Variants in EXD2 observed in about 807,000 individuals in gnomAD.
EXD2 encodes the protein exonuclease 3'-5' domain containing 2, also known as exonuclease 3'-5' domain-containing protein 2.
In EXD2, 40 loss-of-function variants were observed where a neutral mutation model predicts 62.5. The observed-to-expected ratio is 0.64, with a 90% confidence interval of 0.50 to 0.83. The LOEUF is 0.83. Ranked by LOEUF, EXD2 falls within the 40% of genes least tolerant of loss-of-function variation. The pLI, the probability that EXD2 is intolerant of heterozygous loss-of-function variation, is 0.00. For synonymous variants in EXD2, 239 were observed against 291.9 expected (o/e 0.82, Z 1.85); for missense variants, 671 against 761.8 (o/e 0.88, Z 1.40).
chr14:69,233,411 T>A (rs879633002), intron 5 of EXD2, among the ~76,000 whole-genome samples: 25 of 151,884 alleles, frequency 1.6e-4, no homozygotes, highest in Admixed American at 3.9e-4. Flanking sequence ...GTTTTTTTTT[T>A]AAATTTAATT....
At chr14:69,233,726 C>T (rs1362269348) in intron 5 of EXD2, among the ~76,000 whole-genome samples, 1 of 151,560 alleles carries the variant, frequency 6.6e-6, no homozygotes, top group African/African-American at 2.4e-5. Flanking sequence ...CAAGCGTGAG[C>T]CACCACACCC....
At chr14:69,203,689 C>A (rs2042487394) in intron 1 of EXD2, among the ~76,000 whole-genome samples, 1 of 152,186 alleles carries the variant, frequency 6.6e-6, no homozygotes, top group South Asian at 2.1e-4. Context: ...AGGTCATGAT[C>A]TGTTGGGATT....
At chr14:69,234,425 T>C (rs1403422609) in intron 5 of EXD2, among the ~76,000 whole-genome samples, 1 of 152,182 alleles carries the variant, frequency 6.6e-6, no homozygotes, top group Non-Finnish European at 1.5e-5. Flanking sequence ...CTGATTTATA[T>C]AGGTGAGGAT....
At chr14:69,207,455 C>T (rs943216592) in intron 2 of EXD2, among the ~76,000 whole-genome samples, 1 of 152,138 alleles carries the variant, frequency 6.6e-6, no homozygotes, top group African/African-American at 2.4e-5. Flanking sequence ...GATCATGCCA[C>T]TGCACACAGG....
chr14:69,213,358 C>T (rs1410684216), intron 3 of EXD2, among the ~76,000 whole-genome samples: 1 of 142,720 alleles, frequency 7.0e-6, no homozygotes, highest in Non-Finnish European at 1.5e-5. Flanking sequence ...TGTGTGTGAG[C>T]TACCATGCTG....
chr14:69,197,700 C>A (rs2042253395), intron 1 of EXD2, among the ~76,000 whole-genome samples: 1 of 152,160 alleles, frequency 6.6e-6, no homozygotes, highest in Admixed American at 6.5e-5. Flanking sequence ...TCTGTTCCTG[C>A]ATTAATTCAC....
At chr14:69,236,563 C>A (rs753991134) in intron 8 of EXD2, 21 bp downstream of exon 8, 1 of 1,613,814 alleles carries the variant, frequency 6.2e-7, no homozygotes, top group South Asian at 1.1e-5. Flanking sequence ...CATTGGGCCA[C>A]CCTGGTTGTC....
At chr14:69,237,151 G>A (rs1054630247) in intron 8 of EXD2, among the ~76,000 whole-genome samples, 2 of 152,180 alleles carry the variant, frequency 1.3e-5, no homozygotes, top group Non-Finnish European at 2.9e-5. Context: ...GGTGAACCAG[G>A]GAAATAGATT....
At chr14:69,205,477 T>G (rs1311759986) in intron 2 of EXD2, among the ~76,000 whole-genome samples, 1 of 152,136 alleles carries the variant, frequency 6.6e-6, no homozygotes, top group Non-Finnish European at 1.5e-5. Context: ...GAGTATTGAG[T>G]TTTTAAAAAT....
chr14:69,197,900 G>A (rs1356689898), intron 1 of EXD2, among the ~76,000 whole-genome samples: 1 of 152,054 alleles, frequency 6.6e-6, no homozygotes, highest in Non-Finnish European at 1.5e-5. Context: ...TCCCACATAG[G>A]GTTATTGAAA....
At position 69,209,821 on chromosome 14, in the gene EXD2, AG is replaced by A; in HGVS notation, c.333+19del. On this transcript the variant is annotated intron_variant, in intron 3 of 9. Coordinates refer to ENST00000685843, the MANE Select transcript of EXD2 (RefSeq NM_001193360.2). ...GTGAGTGGGTAAGTTAAAAAGCAAA[AG>A]TTAAAAAAAAAAAAAAAAAACAACT... is the stretch of plus-strand genomic sequence containing the variant. 1.5e-4 allele frequency: 210 copies of A among 1,359,174 alleles called. No homozygotes were observed. Among genetic ancestry groups the A allele is most frequent in the Middle Eastern group, 3.9e-4 (2 of 5,182 alleles). The allele number at this position is 1,359,174 out of a possible 1,614,324, so 84.2% of individuals were successfully genotyped here. A position where few individuals can be genotyped will look rare whatever the true frequency, so the allele number is the denominator to read the frequency against.
At chr14:69,230,984 C>T (rs2043555018) in intron 5 of EXD2, among the ~76,000 whole-genome samples, 1 of 152,138 alleles carries the variant, frequency 6.6e-6, no homozygotes, top group African/African-American at 2.4e-5. Flanking sequence ...GGGGTTTCAC[C>T]ACGTTGGTCA....
rs371436325 is a variant in EXD2, at chr14:69,236,583, T to C, written c.1292+41T>C. 9.3e-6 allele frequency: 15 copies of C among 1,613,378 alleles called. No individual in the cohort carries two copies. In the African/African-American group the frequency reaches 1.1e-4, roughly 11 times the overall value. The stretch of plus-strand genomic sequence containing the variant: ...GGCCACCCTGGTTGTCTGTGGCAGA[T>C]GGAAATTGCTTTTGTAGCCATATGC... On this transcript the variant is annotated intron_variant, in intron 8 of 9. Transcript: ENST00000685843.
At chr14:69,207,589 G>T (rs1375381171) in intron 2 of EXD2, among the ~76,000 whole-genome samples, 1 of 152,158 alleles carries the variant, frequency 6.6e-6, no homozygotes, top group African/African-American at 2.4e-5. Context: ...AGAAGTATAG[G>T]CAGGGTGCAG....
At chr14:69,200,314 A>G (rs943184534) in intron 1 of EXD2, among the ~76,000 whole-genome samples, 12 of 152,174 alleles carry the variant, frequency 7.9e-5, no homozygotes, top group African/African-American at 1.7e-4. Flanking sequence ...TACAGTTTCT[A>G]TTTGCAAGGA....
At chr14:69,224,032 G>A (rs2043277476) in intron 3 of EXD2, 1 of 152,402 alleles carries the variant, frequency 6.6e-6, no homozygotes, top group Non-Finnish European at 1.5e-5. Context: ...GCGGGGAGGT[G>A]CCACACACTT....
intron 5 of EXD2, among the ~76,000 whole-genome samples, chr14:69,233,986 C>T (rs1284439740): frequency 1.3e-5 from 2 of 152,128 alleles, no homozygotes; most frequent in African/African-American, 2.4e-5. Context: ...AGGCTGGTTT[C>T]GAACTCCTGA....
intron 3 of EXD2, among the ~76,000 whole-genome samples, chr14:69,213,442 CT>C (rs1447046644): frequency 3.5e-5 from 5 of 142,702 alleles, no homozygotes; most frequent in African/African-American, 7.8e-5. Flanking sequence ...GTGAGCATGG[CT>C]CACTGCAGCC....
rs2140046020 is a variant in EXD2, at chr14:69,237,831, A to G, written c.1549A>G (p.Thr517Ala). The change falls in exon 9 of 10, where the codon ACT becomes GCT. Residue 517 changes from threonine (T) to alanine (A), a missense_variant. Coordinates refer to ENST00000685843, the MANE Select transcript of EXD2 (RefSeq NM_001193360.2). ...CCTGCTCAACGCGGAGAGCCTGCCT[A>G]CTCAGCGAAAGGAGGAGCTGCTGCA... ...RALLNAESLP[T>A]QRKEELLQAL... 6.2e-7 allele frequency: 1 copy of G among 1,613,576 alleles called. No homozygotes were observed.
Sources: allele counts gnomAD v4.1 joint callset (sites outside exome capture counted in the v4.1 genomes callset), GRCh38; gene constraint gnomAD v4.1.1; transcripts MANE v1.5; gene names NCBI Gene and HGNC (gene_info 2026-07-23, HGNC 2026-07-21).